KIAA1217: variants seen among roughly 807,000 people sequenced by gnomAD.
The protein encoded by KIAA1217 is sickle tail protein homolog.
Under a neutral mutation model 163.9 loss-of-function variants are expected in KIAA1217, and 88 were observed. That is an observed-to-expected ratio of 0.54 (90% confidence interval 0.45 to 0.64). KIAA1217 has a LOEUF of 0.64. KIAA1217 is among the 30% of genes least tolerant of loss of function. The pLI, the probability that KIAA1217 is intolerant of heterozygous loss-of-function variation, is 0.00. For missense variants in KIAA1217, 2,372 were observed against 2,475.0 expected, an observed-to-expected ratio of 0.96 and a Z score of 0.88; for synonymous variants, 903 against 923.1, an observed-to-expected ratio of 0.98 and a Z score of 0.39.
At chr10:23,751,975 G>A (rs552780973) in intron 1 of KIAA1217, among the ~76,000 whole-genome samples, 78 of 152,204 alleles carry the variant, frequency 5.1e-4, no homozygotes, top group Non-Finnish European at 9.7e-4. Context: ...AGGTGGGTAT[G>A]TGGTATGATT....
chr10:23,943,462 A>G (rs1843868202), intron 1 of KIAA1217, among the ~76,000 whole-genome samples: 1 of 152,232 alleles, frequency 6.6e-6, no homozygotes, highest in Admixed American at 6.5e-5. Flanking sequence ...TTCTGATAGG[A>G]TAAATAGATG....
rs57489182 is a variant in KIAA1217, at chr10:24,226,651, A to T, written c.354+6742A>T. Reference sequence around the variant, plus strand: ...AGCGAGACTCCATCTCAAAAAAAAAATAATAATAATAAATAAATAAAGGCA... The same window carrying T: ...AGCGAGACTCCATCTCAAAAAAAAATTAATAATAATAAATAAATAAAGGCA... On this transcript the variant is annotated intron_variant, in intron 2 of 20. Coordinates refer to ENST00000376454, the MANE Select transcript of KIAA1217 (RefSeq NM_019590.5). 5.8e-3 allele frequency among the ~76,000 whole-genome samples: 889 copies of T among 151,978 alleles called. 7 individuals are homozygous for T. The highest frequency in any genetic ancestry group is 0.02 in the African/African-American group (827 of 41,482).
intron 1 of KIAA1217, among the ~76,000 whole-genome samples, chr10:23,963,306 C>T (rs1169891542): frequency 6.6e-6 from 1 of 152,118 alleles, no homozygotes; most frequent in Non-Finnish European, 1.5e-5. Context: ...TGATGTTCCT[C>T]TCCCTGTGTC....
intron 2 of KIAA1217, among the ~76,000 whole-genome samples, chr10:24,326,326 A>G (rs2044884877): frequency 6.6e-6 from 1 of 152,180 alleles, no homozygotes; most frequent in African/African-American, 2.4e-5. Flanking sequence ...CTTAAATCAT[A>G]AAACTTCCAT....
chr10:23,738,026 G>GATAT (rs138227094), intron 1 of KIAA1217, among the ~76,000 whole-genome samples: 1 of 151,602 alleles, frequency 6.6e-6, no homozygotes, highest in African/African-American at 2.4e-5. Context: ...ATAGCACGTA[G>GATAT]ATATATATAT....
rs1181399261 is a variant in KIAA1217 at position 23,790,439 on chromosome 10, A to G, written c.-321+95205A>G. ...CATATATACATATATACATATACAT[A>G]TATACATATATACATGTGCATATAT... On this transcript the variant is annotated intron_variant, in intron 1 of 18. Coordinates refer to the KIAA1217 transcript ENST00000376462. Among the ~76,000 whole-genome samples the G allele has an allele frequency of 2.8e-5, 3 of 107,604 alleles. 1 individual carries two copies. Among genetic ancestry groups the G allele is most frequent in the African/African-American group, 1.5e-4 (3 of 19,564 alleles). 70.6% of individuals were successfully genotyped at this position (107,604 alleles called of 152,430 possible).
chr10:23,830,788 AATAG>A (rs201515734), intron 1 of KIAA1217, among the ~76,000 whole-genome samples: 2,039 of 151,278 alleles, frequency 0.013, 31 homozygotes, highest in African/African-American at 0.043. Flanking sequence ...CATAAAAGAA[AATAG>A]ATAGGTGATA....
intron 1 of KIAA1217, among the ~76,000 whole-genome samples, chr10:23,915,995 A>G (rs1490268599): frequency 2.0e-5 from 3 of 152,202 alleles, no homozygotes; most frequent in African/African-American, 7.2e-5. Context: ...GGCAATGCTT[A>G]AGAATGTCAG....
chr10:24,005,070 G>A (rs1330565720), intron 1 of KIAA1217, among the ~76,000 whole-genome samples: 8 of 152,216 alleles, frequency 5.3e-5, no homozygotes, highest in African/African-American at 1.7e-4. Context: ...AAAAAGAGTA[G>A]CCATGGAGAG....
chr10:24,040,648 C>T (rs577722494), intron 2 of KIAA1217, among the ~76,000 whole-genome samples: 2 of 152,290 alleles, frequency 1.3e-5, no homozygotes, highest in East Asian at 1.9e-4. Flanking sequence ...GGACACTTCT[C>T]ATAATATTAA....
intron 2 of KIAA1217, among the ~76,000 whole-genome samples, chr10:24,135,918 G>A (rs1470001495): frequency 6.6e-6 from 1 of 152,106 alleles, no homozygotes; most frequent in Non-Finnish European, 1.5e-5. Context: ...TTCTGTATAG[G>A]TATTACAACT....
intron 2 of KIAA1217, among the ~76,000 whole-genome samples, chr10:24,159,657 C>G (rs2065031785): frequency 6.6e-6 from 1 of 152,040 alleles, no homozygotes; most frequent in African/African-American, 2.4e-5. Context: ...CTGGCAGACC[C>G]CTGTAGTCCC....
Position 23,760,891 on chromosome 10 carries a change from C to T in KIAA1217, c.-321+65657C>T, listed in dbSNP as rs189782379. Among the ~76,000 whole-genome samples, 7 of 152,256 alleles carry T rather than the reference C, an allele frequency of 4.6e-5. No individual in the cohort carries two copies. In the East Asian group the frequency reaches 1.2e-3, roughly 25 times the overall value. On this transcript the variant is annotated intron_variant, in intron 1 of 18. Coordinates refer to the KIAA1217 transcript ENST00000376462. ...AGACAGTTTAACAAGTATCCACTTT[C>T]CAGGAAGATCTAGTCCCAAATTCAG...
At chr10:24,295,307 A>G (rs1279531559) in intron 2 of KIAA1217, among the ~76,000 whole-genome samples, 2 of 152,212 alleles carry the variant, frequency 1.3e-5, no homozygotes, top group African/African-American at 2.4e-5. Flanking sequence ...CCTTAAAGAA[A>G]TGCTGGTAAC....
At chr10:24,424,536 T>G (rs16924741) in intron 3 of KIAA1217, among the ~76,000 whole-genome samples, 13,908 of 152,286 alleles carry the variant, frequency 0.091, 689 homozygotes, top group African/African-American at 0.14. Context: ...ATTTCTACCG[T>G]TGCCTCTAGG....
intron 1 of KIAA1217, among the ~76,000 whole-genome samples, chr10:23,724,932 G>T (rs772144114): frequency 1.4e-4 from 22 of 152,048 alleles, no homozygotes; most frequent in Non-Finnish European, 2.8e-4. Context: ...CATGACTCTG[G>T]CTTTGTCTTA....
chr10:23,754,202 CA>C (rs1833800824), intron 1 of KIAA1217, among the ~76,000 whole-genome samples: 2 of 152,198 alleles, frequency 1.3e-5, no homozygotes, highest in East Asian at 3.9e-4. Context: ...CATTGTTAAA[CA>C]AATGTATGAA....
intron 2 of KIAA1217, among the ~76,000 whole-genome samples, chr10:24,053,370 A>G (rs986930868): frequency 1.3e-5 from 2 of 152,148 alleles, no homozygotes; most frequent in African/African-American, 4.8e-5. Context: ...AATTATTTAG[A>G]CTGTAGAATA....
At chr10:24,206,445 C>T (rs1442573557), upstream of KIAA1217, among the ~76,000 whole-genome samples, 1 of 152,144 alleles carries the variant, frequency 6.6e-6, no homozygotes, top group East Asian at 1.9e-4. Context: ...ATATAGATTG[C>T]AGAATACAGC....
Sources: allele counts gnomAD v4.1 joint callset (sites outside exome capture counted in the v4.1 genomes callset), GRCh38; gene constraint gnomAD v4.1.1; transcripts MANE v1.5; gene names NCBI Gene and HGNC (gene_info 2026-07-23, HGNC 2026-07-21).